CFAP70: variants seen among roughly 807,000 people sequenced by gnomAD.
CFAP70 encodes the protein cilia and flagella associated protein 70.
CFAP70 carries 81 observed loss-of-function variants against 137.6 expected under a neutral mutation model. That is an observed-to-expected ratio of 0.59 (90% CI 0.49 to 0.71). The LOEUF is 0.71. CFAP70 is among the 30% of genes least tolerant of loss of function. CFAP70 has a pLI of 0.00. For missense variants in CFAP70, 976 were observed against 1,226.7 expected (o/e 0.80, Z 3.05); for synonymous variants, 382 against 423.6 (o/e 0.90, Z 1.20).
intron 25 of CFAP70, among the ~76,000 whole-genome samples, chr10:73,262,295 C>T (rs1339370434): frequency 6.6e-6 from 1 of 152,124 alleles, no homozygotes; most frequent in Admixed American, 6.5e-5. Flanking sequence ...TGTGAGTCAT[C>T]CCTTTGTCCA....
At chr10:73,362,658 A>C (rs1231159599), upstream of CFAP70, among the ~76,000 whole-genome samples, 1 of 152,088 alleles carries the variant, frequency 6.6e-6, no homozygotes, top group African/African-American at 2.4e-5. Context: ...TATTACTTCT[A>C]GCAGTTTTTT....
chr10:73,265,873 AT>A (rs58877464), intron 25 of CFAP70, among the ~76,000 whole-genome samples: 1,496 of 141,684 alleles, frequency 0.011, 14 homozygotes, highest in African/African-American at 0.023. Context: ...TGTCATAGCT[AT>A]TTTTTTTTTT....
intron 24 of CFAP70, 54 bp from the exon 26 acceptor site, chr10:73,269,769 A>C: frequency 9.5e-7 from 1 of 1,056,500 alleles, no homozygotes; most frequent in Non-Finnish European, 1.5e-6. Flanking sequence ...ACTATGTCCC[A>C]ATAATACTGG....
intron 6 of CFAP70, 106 bp downstream of exon 7, chr10:73,341,293 A>G: frequency 2.0e-6 from 2 of 1,009,866 alleles, no homozygotes; most frequent in South Asian, 3.7e-5. Flanking sequence ...GCATGTAAGT[A>G]TTTCGACAGG....
intron 4 of CFAP70, 47 bp from the exon 6 acceptor site, chr10:73,345,291 C>A (rs773625323): frequency 3.6e-5 from 56 of 1,546,774 alleles, no homozygotes; most frequent in Non-Finnish European, 4.7e-5. Flanking sequence ...TGCCAGAGAT[C>A]TTCCTTTTTT....
intron 19 of CFAP70, 56 bp downstream of exon 20, chr10:73,291,170 A>G: frequency 6.5e-7 from 1 of 1,531,660 alleles, no homozygotes; most frequent in Non-Finnish European, 9.0e-7. Context: ...GTGAGCCACC[A>G]CACCTGGCAG....
chr10:73,320,052 G>T (rs947034431), intron 9 of CFAP70, among the ~76,000 whole-genome samples: 3 of 152,002 alleles, frequency 2.0e-5, no homozygotes, highest in African/African-American at 4.8e-5. Flanking sequence ...CTATCTTTCT[G>T]ATATGTATTC....
chr10:73,317,536 T>TGCTG (rs1564833295), intron 9 of CFAP70, among the ~76,000 whole-genome samples: 1 of 152,198 alleles, frequency 6.6e-6, no homozygotes, highest in African/African-American at 2.4e-5. Context: ...ATAATGTGTA[T>TGCTG]ATTTTGGGTC....
intron 24 of CFAP70, among the ~76,000 whole-genome samples, chr10:73,270,989 CTG>C (rs1309325012): frequency 2.0e-5 from 3 of 152,122 alleles, no homozygotes. Flanking sequence ...AGGATTTGCT[CTG>C]TGTCAGGCAG....
chr10:73,353,915 T>A (rs1000996440), intron 2 of CFAP70, among the ~76,000 whole-genome samples, 173 bp from the exon 3 acceptor site: 2 of 152,274 alleles, frequency 1.3e-5, no homozygotes, highest in Non-Finnish European at 2.9e-5. Flanking sequence ...CTAGTTTTAC[T>A]TAAATGCAAC....
chr10:73,311,074 G>T (rs1173088725), intron 11 of CFAP70, among the ~76,000 whole-genome samples: 1 of 152,146 alleles, frequency 6.6e-6, no homozygotes, highest in African/African-American at 2.4e-5. Context: ...TCCAAGAAGA[G>T]GTTCAAGAAT....
chr10:73,289,564 A>G (rs868032467), intron 19 of CFAP70, among the ~76,000 whole-genome samples: 16 of 151,806 alleles, frequency 1.1e-4, no homozygotes, highest in Middle Eastern at 6.4e-3. Flanking sequence ...GATTACAGGC[A>G]TGAGCCACCG....
intron 4 of CFAP70, among the ~76,000 whole-genome samples, chr10:73,347,480 AG>A (rs112232736): frequency 6.6e-6 from 1 of 152,190 alleles, no homozygotes; most frequent in African/African-American, 2.4e-5. Flanking sequence ...ATTTGGTGAA[AG>A]GCAGATTTGA....
intron 8 of CFAP70, among the ~76,000 whole-genome samples, chr10:73,326,173 T>C (rs1459743977): frequency 6.6e-6 from 1 of 151,968 alleles, no homozygotes; most frequent in East Asian, 1.9e-4. Flanking sequence ...GAACTCAGGA[T>C]TAAGAAACTC....
Position 73,275,215 on chromosome 10 carries a change from G to A in CFAP70, c.2673+231C>T, listed in dbSNP as rs763621106. On this transcript the variant is annotated intron_variant, in intron 22 of 26. Transcript: ENST00000310715. This position sits in a 1 kb window ranked among gnomAD's most constrained non-coding sequence, Gnocchi z 4.0. Reference sequence around the variant, plus strand: ...AGGCTGGTCTTGAACTCCTGACCTCGTGATCTGCCTGCCTCGGCCTCCCAA... The same window carrying A: ...AGGCTGGTCTTGAACTCCTGACCTCATGATCTGCCTGCCTCGGCCTCCCAA... 1.4e-4 allele frequency: 38 copies of A among 264,870 alleles called. No homozygotes were observed. Among genetic ancestry groups the A allele is most frequent in the Middle Eastern group, 1.1e-3 (1 of 894 alleles). 16.4% of individuals were successfully genotyped at this position (264,870 alleles called of 1,614,324 possible).
intron 12 of CFAP70, among the ~76,000 whole-genome samples, chr10:73,308,156 AAAAG>A (rs562839976): frequency 6.6e-6 from 1 of 152,012 alleles, no homozygotes; most frequent in African/African-American, 2.4e-5. Context: ...CTCTATCTAA[AAAAG>A]AAAGAAAGAA....
At chr10:73,297,234 G>A in intron 14 of CFAP70, 61 bp from the exon 16 acceptor site, 2 of 1,545,122 alleles carry the variant, frequency 1.3e-6, no homozygotes, top group Non-Finnish European at 1.7e-6. Flanking sequence ...GAGAGCACGG[G>A]TCTCTCTAGG....
chr10:73,284,739 CATATATATATATATAT>C lies in CFAP70; in HGVS notation c.2240-6418_2240-6403del, dbSNP rs539417737. On this transcript the variant is annotated intron_variant, in intron 19 of 26. Transcript: ENST00000310715. ...CCTATGGGCCATATATGACCTGCCA[CATATATATATATATAT>C]ATATATATATATATATATATATATA... Among the ~76,000 whole-genome samples the C allele has an allele frequency of 3.0e-3, 81 of 27,446 alleles. 1 individual carries two copies. The highest frequency in any genetic ancestry group is 7.0e-3 in the South Asian group (4 of 572). The allele number at this position is 27,446 out of a possible 152,430, so 18.0% of individuals were successfully genotyped here.
intron 3 of CFAP70, among the ~76,000 whole-genome samples, chr10:73,349,061 CAAAA>C (rs56392713): frequency 1.1e-5 from 1 of 91,712 alleles, no homozygotes; most frequent in Non-Finnish European, 2.4e-5. Context: ...AACTCCGTCT[CAAAA>C]AAAAAAAAAA....
Sources: gnomAD v4.1 joint callset for allele counts (sites outside exome capture counted in the v4.1 genomes callset) on GRCh38, gnomAD v4.1.1 for gene constraint, Gnocchi (gnomAD v3.1) non-coding constraint, MANE v1.5 for transcripts, NCBI Gene and HGNC (gene_info 2026-07-23, HGNC 2026-07-21) for gene names.